Variants in ACOT11 observed in about 807,000 individuals in gnomAD.
ACOT11 encodes acyl-coenzyme A thioesterase 11.
In ACOT11, 69 loss-of-function variants were observed where a neutral mutation model predicts 77.5. The observed-to-expected ratio is 0.89, with a 90% CI of 0.73 to 1.09. The LOEUF (loss-of-function observed/expected upper bound fraction) is 1.09, where lower values mean the gene tolerates loss of function less well. ACOT11 is among the 50% of genes least tolerant of loss of function. The pLI, the probability that ACOT11 is intolerant of heterozygous loss-of-function variation, is 0.00. For synonymous variants in ACOT11, 279 were observed against 313.0 expected (o/e 0.89, Z 1.15); for missense variants, 766 against 813.7 (o/e 0.94, Z 0.71).
At chr1:54,594,350 C>A (rs1654820757) in intron 5 of ACOT11, among the ~76,000 whole-genome samples, 1 of 152,202 alleles carries the variant, frequency 6.6e-6, no homozygotes, top group African/African-American at 2.4e-5. Flanking sequence ...AAGGAAGGGA[C>A]CTGGGTGGGA....
chr1:54,593,757 C>T (rs535442722), intron 4 of ACOT11, among the ~76,000 whole-genome samples, 184 bp from the exon 5 acceptor site: 2 of 152,238 alleles, frequency 1.3e-5, no homozygotes, highest in African/African-American at 4.8e-5. Context: ...CCAAGGTTTC[C>T]CGGGGACCCA....
chr1:54,607,287 G>T lies in ACOT11; in HGVS notation c.1502+22G>T, dbSNP rs758288371. ...ATGGGTGTGTGCCTATCTGCTGTGGGGTGGGGGACACAACTGGACAGGGTG... is the reference window on the plus strand; with the variant it reads ...ATGGGTGTGTGCCTATCTGCTGTGGTGTGGGGGACACAACTGGACAGGGTG... On this transcript the variant is annotated intron_variant, in intron 14 of 15. Coordinates refer to ENST00000343744, the MANE Select transcript of ACOT11 (RefSeq NM_147161.4). The surrounding 1 kb of genome is among the most constrained non-coding windows in gnomAD (Gnocchi z 4.5). 2 of 1,613,538 alleles carry T rather than the reference G, an allele frequency of 1.2e-6. No homozygotes were observed. The highest frequency in any genetic ancestry group is 1.1e-5 in the South Asian group (1 of 91,076).
In ACOT11 at chr1:54,597,016, G is replaced by C. The variant is rs147484333; in HGVS notation, c.608-243G>C. Among the ~76,000 whole-genome samples, 619 of 152,364 alleles carry C rather than the reference G, an allele frequency of 4.1e-3. 2 individuals carry two copies. The highest frequency in any genetic ancestry group is 0.014 in the African/African-American group (578 of 41,586). On this transcript the variant is annotated intron_variant, in intron 6 of 15. Coordinates refer to ENST00000343744, the MANE Select transcript of ACOT11 (RefSeq NM_147161.4). ...TTGCCCAAGGCCATACAGGCAGTCT[G>C]GAGTGGAGCTGAGGCTCAGACCTGC...
chr1:54,610,257 C>G lies in ACOT11; in HGVS notation c.*1145C>G. 6.8e-7 allele frequency: 1 copy of G among 1,468,362 alleles called. No homozygotes were observed. Among genetic ancestry groups the G allele is most frequent in the East Asian group, 2.4e-5 (1 of 41,540 alleles). The allele number at this position is 1,468,362 out of a possible 1,614,324, so 91.0% of individuals were successfully genotyped here. On this transcript the variant is annotated 3_prime_UTR_variant, in exon 16 of 16. Coordinates refer to ENST00000343744, the MANE Select transcript of ACOT11 (RefSeq NM_147161.4). The stretch of plus-strand genomic sequence containing the variant: ...TGTGCTCTTGACATCACTGTACTCC[C>G]TCTCCCTCCCCGCAACCCTGCCCCA...
At chr1:54,630,660 T>A in intron 15 of ACOT11, 1 of 558,932 alleles carries the variant, frequency 1.8e-6, no homozygotes, top group South Asian at 2.5e-5. Context: ...GGCTCTCAGC[T>A]CTGAAGGCTG....
At chr1:54,561,071 G>GC (rs1457103174) in intron 1 of ACOT11, among the ~76,000 whole-genome samples, 1 of 109,182 alleles carries the variant, frequency 9.2e-6, no homozygotes, top group Non-Finnish European at 2.0e-5. Flanking sequence ...CAGCTGCTTG[G>GC]CTGATTTTTT....
intron 16 of ACOT11, chr1:54,634,605 T>C (rs916723202): frequency 1.4e-6 from 1 of 689,680 alleles, no homozygotes; most frequent in Non-Finnish European, 2.6e-6. Flanking sequence ...CTAGCATTAT[T>C]TGGTGAAGAG....
intron 1 of ACOT11, among the ~76,000 whole-genome samples, chr1:54,563,184 G>A (rs756636736): frequency 6.6e-6 from 1 of 152,178 alleles, no homozygotes; most frequent in Non-Finnish European, 1.5e-5. Flanking sequence ...ATGGGGTTTC[G>A]CCATGTTGCC....
chr1:54,600,211 T>C (rs1643945550), intron 8 of ACOT11, among the ~76,000 whole-genome samples: 1 of 152,198 alleles, frequency 6.6e-6, no homozygotes, highest in African/African-American at 2.4e-5. Context: ...GGAAAAGCCC[T>C]TTTGTAGGAG....
intron 3 of ACOT11, among the ~76,000 whole-genome samples, chr1:54,587,297 G>A (rs1390986478): frequency 2.6e-5 from 4 of 151,974 alleles, no homozygotes; most frequent in Non-Finnish European, 4.4e-5. Flanking sequence ...GGTGGATCAC[G>A]AGGTCAGGAG....
chr1:54,632,170 T>C (rs1644303256), intron 16 of ACOT11, among the ~76,000 whole-genome samples: 1 of 152,172 alleles, frequency 6.6e-6, no homozygotes, highest in Non-Finnish European at 1.5e-5. Flanking sequence ...TCAGTGTCAC[T>C]CTAAGTTGGA....
At chr1:54,552,601 C>T (rs1173096078) in intron 1 of ACOT11, among the ~76,000 whole-genome samples, 1 of 152,076 alleles carries the variant, frequency 6.6e-6, no homozygotes, top group Non-Finnish European at 1.5e-5. Flanking sequence ...AAGCGATTCT[C>T]ATTTCTCGGC....
chr1:54,632,187 A>T (rs1644303320), intron 16 of ACOT11, among the ~76,000 whole-genome samples: 1 of 152,260 alleles, frequency 6.6e-6, no homozygotes, highest in African/African-American at 2.4e-5. Context: ...TGGATAAAGA[A>T]GGGAACCCAA....
chr1:54,576,383 G>A (rs1013409293), intron 1 of ACOT11, among the ~76,000 whole-genome samples: 3 of 151,346 alleles, frequency 2.0e-5, no homozygotes, highest in African/African-American at 7.3e-5. Context: ...TGTGGTCCCA[G>A]CAACTCTGGA....
At position 54,604,377 on chromosome 1, in the gene ACOT11, T is replaced by C; in HGVS notation, c.1184T>C (p.Leu395Ser). 1 of 1,613,940 alleles carries C rather than the reference T, an allele frequency of 6.2e-7. No homozygotes were observed. Among genetic ancestry groups the C allele is most frequent in the East Asian group, 2.2e-5 (1 of 44,824 alleles). ...VYLSYNNVSSLKMLVAKDNWV... is the reference protein window; with the variant it reads ...VYLSYNNVSSSKMLVAKDNWV... ...CTGAGCTACAATAACGTCTCCTCCT[T>C]GAAGATGCTTGTGGCCAAGGACAAC... Residue 395 changes from leucine to serine, a missense_variant, in exon 12 of 16, where the codon TTG becomes TCG. Leu to Ser is a moderately radical substitution (Grantham distance 145). Coordinates refer to ENST00000343744, the MANE Select transcript of ACOT11 (RefSeq NM_147161.4).
rs763723890 is a variant in ACOT11 at position 54,597,441 on chromosome 1, C to T, written c.764+26C>T. The stretch of plus-strand genomic sequence containing the variant: ...GTGAGGGCAGGGTGTGCTGCCTCTG[C>T]CTCCCCTCCTTTCTCCTCCTCCTCC... On this transcript the variant is annotated intron_variant, in intron 7 of 15. Coordinates refer to ENST00000343744, the MANE Select transcript of ACOT11 (RefSeq NM_147161.4). 9 of 1,584,356 alleles carry T rather than the reference C, an allele frequency of 5.7e-6. No individual in the cohort carries two copies. In the South Asian group the frequency reaches 6.8e-5, roughly 12 times the overall value.
At chr1:54,634,788 T>G (rs1376160600) in exon 17 of ACOT11, 4 of 697,914 alleles carry the variant, frequency 5.7e-6, no homozygotes, top group Non-Finnish European at 1.0e-5. Context: ...GAGGACCCCC[T>G]GGTTGCAGCC....
intron 6 of ACOT11, 42 bp downstream of exon 6, chr1:54,594,733 C>T: frequency 6.3e-7 from 1 of 1,577,176 alleles, no homozygotes; most frequent in Non-Finnish European, 8.6e-7. Flanking sequence ...TAGCTGGCGT[C>T]CTGCATGGCC....
Position 54,585,000 on chromosome 1 carries a change from TCTGAAATGCCCTTC to T in ACOT11, c.241+143_241+156del, listed in dbSNP as rs542422962. Reference sequence around the variant, plus strand: ...GCCTTTGCTCATGCTGGTCCCTTTGTCTGAAATGCCCTTCCTGATGTCTCAATGCTCAGCACAGC... The same window carrying T: ...GCCTTTGCTCATGCTGGTCCCTTTGTCTGATGTCTCAATGCTCAGCACAGC... On this transcript the variant is annotated intron_variant, in intron 2 of 15. Transcript: ENST00000343744. This position sits in a 1 kb window ranked among gnomAD's most constrained non-coding sequence, Gnocchi z 6.3. 1.5e-4 allele frequency: 142 copies of T among 958,408 alleles called. 2 individuals carry two copies. The South Asian group carries it at 2.1e-3, about 15-fold the overall frequency. The allele number at this position is 958,408 out of a possible 1,614,324, so 59.4% of individuals were successfully genotyped here.
Sources: allele counts gnomAD v4.1 joint callset (sites outside exome capture counted in the v4.1 genomes callset), GRCh38; gene constraint gnomAD v4.1.1; non-coding constraint Gnocchi (gnomAD v3.1); transcripts MANE v1.5; gene names NCBI Gene and HGNC (gene_info 2026-07-23, HGNC 2026-07-21).